Variants in USP34 observed in about 807,000 individuals in gnomAD.
The protein encoded by USP34 is ubiquitin specific peptidase 34, also known as ubiquitin carboxyl-terminal hydrolase 34.
Under a neutral mutation model 460.3 loss-of-function variants are expected in USP34, and 70 were observed. That is an observed-to-expected ratio of 0.15 (90% confidence interval 0.13 to 0.19). The LOEUF (loss-of-function observed/expected upper bound fraction) is 0.19. Ranked by LOEUF, USP34 falls within the 10% of genes least tolerant of loss-of-function variation. The probability of loss-of-function intolerance (pLI) is 1.00; values close to 1 mark genes in which losing one functional copy is unlikely to be tolerated. For missense variants in USP34, 3,985 were observed against 4,236.2 expected (o/e 0.94, Z 1.65); for synonymous variants, 1,647 against 1,405.3 (o/e 1.17, Z -3.85).
Position 61,395,219 on chromosome 2 carries a change from T to C in USP34, c.567A>G (p.Gln189=), listed in dbSNP as rs991814059. The C allele has an allele frequency of 4.0e-6, 6 of 1,492,896 alleles. No homozygotes were observed. In the African/African-American group the frequency reaches 4.2e-5, roughly 11 times the overall value. 92.5% of individuals were successfully genotyped at this position (1,492,896 alleles called of 1,614,324 possible). A position where few individuals can be genotyped will look rare whatever the true frequency, so the allele number is the denominator to read the frequency against. Residue 189 remains glutamine (Q), a synonymous_variant, in exon 4 of 80, where the codon CAA becomes CAG. Transcript: ENST00000398571. Reference sequence around the variant, plus strand: ...AGAATGCCCCTAATATGTTACTTTCTTGAGTTGATATATCCTAATTAAAAA... The same window carrying C: ...AGAATGCCCCTAATATGTTACTTTCCTGAGTTGATATATCCTAATTAAAAA... ...THPTIEDIST[Q]ESNILGAFCD...
rs369403000 is a variant in USP34 at position 61,204,221 on chromosome 2, A to G, written c.9384+35T>C. On this transcript the variant is annotated intron_variant, in intron 74 of 79. Transcript: ENST00000398571. ...GAAAAATTTCAAATTACTTTGTACT[A>G]TAGCAACATGGATTTTCCTGGCATC... is the stretch of plus-strand genomic sequence containing the variant. 71 of 1,613,914 alleles carry G rather than the reference A, an allele frequency of 4.4e-5. No homozygotes were observed. In the African/African-American group the frequency reaches 7.6e-4, roughly 17 times the overall value.
intron 74 of USP34, among the ~76,000 whole-genome samples, chr2:61,203,869 G>T (rs1036978253): frequency 7.3e-5 from 11 of 151,470 alleles, no homozygotes; most frequent in African/African-American, 2.7e-4. Context: ...TCAATATTAT[G>T]CTTAGGTCAA....
chr2:61,406,601 T>C (rs1573010333), intron 2 of USP34, among the ~76,000 whole-genome samples: 1 of 151,570 alleles, frequency 6.6e-6, no homozygotes, highest in Non-Finnish European at 1.5e-5. Flanking sequence ...GCTCTGACGC[T>C]ATCTGGCAAA....
intron 1 of USP34, among the ~76,000 whole-genome samples, chr2:61,426,970 T>C (rs769850653): frequency 2.0e-4 from 30 of 152,274 alleles, no homozygotes; most frequent in Non-Finnish European, 3.8e-4. Context: ...CCTGTATGAG[T>C]CTGCAAGAAC....
intron 75 of USP34, among the ~76,000 whole-genome samples, chr2:61,196,891 C>T (rs750824571): frequency 2.0e-5 from 3 of 151,976 alleles, no homozygotes; most frequent in South Asian, 4.1e-4. Context: ...AGCACTACCA[C>T]GACAAACAAA....
chr2:61,188,721 C>T lies in USP34; in HGVS notation c.10034-12G>A. On this transcript the variant is annotated splice_polypyrimidine_tract_variant and intron_variant, in intron 79 of 79. Transcript: ENST00000398571. The stretch of plus-strand genomic sequence containing the variant: ...TGCTCCTTCATCATCTGTGAAAACA[C>T]ATGCCAAAAGGGAAACTTCTCTGAA... The T allele has an allele frequency of 6.2e-7, 1 of 1,607,314 alleles. No individual in the cohort carries two copies. Among genetic ancestry groups the T allele is most frequent in the Non-Finnish European group, 8.5e-7 (1 of 1,176,972 alleles).
chr2:61,318,381 A>G (rs1252229361), intron 22 of USP34, among the ~76,000 whole-genome samples: 1 of 152,118 alleles, frequency 6.6e-6, no homozygotes, highest in Non-Finnish European at 1.5e-5. Context: ...TATAGCTACA[A>G]GTACAGTTTT....
chr2:61,311,277 C>T (rs1467592482), intron 27 of USP34, among the ~76,000 whole-genome samples: 1 of 152,138 alleles, frequency 6.6e-6, no homozygotes, highest in Non-Finnish European at 1.5e-5. Context: ...GAGGAGGCAG[C>T]ATTCAAGGTG....
intron 5 of USP34, among the ~76,000 whole-genome samples, chr2:61,388,810 CTGA>C (rs1165555655): frequency 1.3e-5 from 2 of 151,884 alleles, no homozygotes; most frequent in Admixed American, 6.6e-5. Flanking sequence ...CACAAACACC[CTGA>C]TAAGACATTT....
At chr2:61,432,328 T>G (rs971185121) in intron 1 of USP34, among the ~76,000 whole-genome samples, 4 of 151,954 alleles carry the variant, frequency 2.6e-5, no homozygotes, top group African/African-American at 4.8e-5. Flanking sequence ...AGACAAAAAT[T>G]AGCTGGGCAT....
intron 70 of USP34, chr2:61,207,636 G>T (rs1687157501): frequency 6.6e-6 from 1 of 151,924 alleles, no homozygotes; most frequent in African/African-American, 2.4e-5. Flanking sequence ...CACAGTGCTT[G>T]GCACAGAGGT....
At chr2:61,330,974 G>A (rs1029729598) in intron 20 of USP34, among the ~76,000 whole-genome samples, 1 of 151,954 alleles carries the variant, frequency 6.6e-6, no homozygotes. Context: ...GCATATCTAT[G>A]GTTTCTGAAA....
intron 67 of USP34, among the ~76,000 whole-genome samples, chr2:61,219,953 A>T (rs1340908735): frequency 6.6e-6 from 1 of 151,838 alleles, no homozygotes; most frequent in Non-Finnish European, 1.5e-5. Flanking sequence ...TCATAATTTC[A>T]GCCAATATTT....
chr2:61,373,949 G>A (rs1692711949), intron 8 of USP34, among the ~76,000 whole-genome samples: 3 of 152,110 alleles, frequency 2.0e-5, no homozygotes, highest in African/African-American at 7.2e-5. Context: ...GAGGTCAGGA[G>A]CTTAAGACCA....
intron 1 of USP34, among the ~76,000 whole-genome samples, chr2:61,440,084 ACT>A (rs757952468): frequency 2.0e-5 from 3 of 152,074 alleles, no homozygotes; most frequent in Non-Finnish European, 4.4e-5. Flanking sequence ...CTGAGGGCTC[ACT>A]GAGGCACCTG....
In USP34 at chr2:61,461,644, C is replaced by A. The variant is rs529857260; in HGVS notation, c.43+9006G>T. On this transcript the variant is annotated intron_variant, in intron 1 of 79. Coordinates refer to ENST00000398571, the MANE Select transcript of USP34 (RefSeq NM_014709.4). ...AGCTGGGAATACTACAGGCACACAT[C>A]ACCATGCCCTGCTAAAATAACACTT... Among the ~76,000 whole-genome samples the A allele has an allele frequency of 7.9e-5, 12 of 152,294 alleles. No homozygotes were observed. The South Asian group carries it at 2.3e-3, about 29-fold the overall frequency.
chr2:61,292,674 A>T (rs1223560528), intron 33 of USP34, among the ~76,000 whole-genome samples: 1 of 152,154 alleles, frequency 6.6e-6, no homozygotes, highest in Non-Finnish European at 1.5e-5. Context: ...ACAAAACAAA[A>T]CAAAAAACCA....
At chr2:61,333,831 T>C (rs1479882046) in intron 19 of USP34, 51 bp downstream of exon 19, 1 of 1,278,308 alleles carries the variant, frequency 7.8e-7, no homozygotes, top group Admixed American at 2.7e-5. Context: ...TAGATAACTA[T>C]AATTAGAAAA....
chr2:61,455,997 C>A (rs547977743), intron 1 of USP34, among the ~76,000 whole-genome samples: 1 of 152,110 alleles, frequency 6.6e-6, no homozygotes, highest in East Asian at 1.9e-4. Flanking sequence ...CATCCTACTG[C>A]CTCATCTGTA....
Sources: allele counts gnomAD v4.1 joint callset (sites outside exome capture counted in the v4.1 genomes callset), GRCh38; gene constraint gnomAD v4.1.1; transcripts MANE v1.5; gene names NCBI Gene and HGNC (gene_info 2026-07-23, HGNC 2026-07-21).